Variants in UBXN2B observed in about 807,000 individuals in gnomAD.
UBXN2B encodes the protein UBX domain-containing protein 2B.
A neutral mutation model predicts 37.5 loss-of-function variants in UBXN2B; 19 were observed. The ratio of observed to expected loss-of-function variants is 0.51; its 90% CI spans 0.35 to 0.74. UBXN2B has a LOEUF of 0.74. Ranked by LOEUF, UBXN2B falls within the 30% of genes least tolerant of loss-of-function variation. The pLI, the probability that UBXN2B is intolerant of heterozygous loss-of-function variation, is 0.01. For synonymous variants in UBXN2B, 145 were observed against 143.8 expected (o/e 1.01, Z -0.06); for missense variants, 370 against 393.2 (o/e 0.94, Z 0.50).
chr8:58,433,245 T>A lies in UBXN2B; in HGVS notation c.423+2T>A. On this transcript the variant is annotated splice_donor_variant, in intron 4 of 7. Coordinates refer to ENST00000399598, the MANE Select transcript of UBXN2B (RefSeq NM_001077619.2). LOFTEE classifies it high-confidence loss of function. ...TATGGAGAAAATCAGCTGCAAGATG[T>A]AGGTACAATAATCAAAATGAAAAAG... 1 of 1,600,536 alleles carries A rather than the reference T, an allele frequency of 6.2e-7. No homozygotes were observed. Among genetic ancestry groups the A allele is most frequent in the Non-Finnish European group, 8.5e-7 (1 of 1,172,332 alleles).
intron 3 of UBXN2B, among the ~76,000 whole-genome samples, chr8:58,431,320 T>A (rs1173176800): frequency 6.6e-6 from 1 of 152,118 alleles, no homozygotes; most frequent in African/African-American, 2.4e-5. Flanking sequence ...ACAAATGGAG[T>A]CATACAATAT....
intron 5 of UBXN2B, among the ~76,000 whole-genome samples, chr8:58,438,921 G>A (rs117296999): frequency 0.021 from 3,189 of 152,210 alleles, 65 homozygotes; most frequent in East Asian, 0.11. Flanking sequence ...GGATCATGGA[G>A]GCAGATCCCT....
At chr8:58,413,088 T>TC (rs1480834376) in intron 1 of UBXN2B, among the ~76,000 whole-genome samples, 1 of 152,226 alleles carries the variant, frequency 6.6e-6, no homozygotes, top group African/African-American at 2.4e-5. Context: ...ATCCAGTGGA[T>TC]CAAAGTACGA....
chr8:58,422,566 TG>T (rs1270983753), intron 2 of UBXN2B, among the ~76,000 whole-genome samples: 2 of 152,268 alleles, frequency 1.3e-5, no homozygotes, highest in Non-Finnish European at 1.5e-5. Flanking sequence ...TCTTACCATT[TG>T]GCTAAAACAA....
intron 1 of UBXN2B, 41 bp from the exon 2 acceptor site, chr8:58,416,809 T>G (rs1585593302): frequency 6.4e-7 from 1 of 1,563,036 alleles, no homozygotes; most frequent in Non-Finnish European, 8.8e-7. Context: ...GAAGAGGTTA[T>G]TCCTAGTGTT....
rs545090502 is a variant in UBXN2B at position 58,447,685 on chromosome 8, T to A, written c.*134T>A. The A allele has an allele frequency of 1.3e-5, 11 of 858,452 alleles. No individual in the cohort carries two copies. The East Asian group carries it at 1.4e-4, about 11-fold the overall frequency. 53.2% of individuals were successfully genotyped at this position (858,452 alleles called of 1,614,324 possible). A position where few individuals can be genotyped will look rare whatever the true frequency, so the allele number is the denominator to read the frequency against. On this transcript the variant is annotated 3_prime_UTR_variant, in exon 8 of 8. Coordinates refer to ENST00000399598, the MANE Select transcript of UBXN2B (RefSeq NM_001077619.2). ...ATAAATTTTGGTTTTATTGTTATTC[T>A]GTCTTCCAATCTGAATATAGACAAA...
rs373192241 is a variant in UBXN2B, at chr8:58,430,566, C to T, written c.236C>T (p.Pro79Leu). The T allele has an allele frequency of 4.4e-6, 7 of 1,605,480 alleles. No individual in the cohort carries two copies. Among genetic ancestry groups the T allele is most frequent in the East Asian group, 2.2e-5 (1 of 44,476 alleles). ...TACAGTGGATTAAATATAGTTCGAC[C>T]TTCAACTGGGAAAATTGTGAATGAA... is the stretch of plus-strand genomic sequence containing the variant. ...HEYSGLNIVR[P>L]STGKIVNELF... The change falls in exon 3 of 8, where the codon CCT becomes CTT. Residue 79 changes from proline to leucine, a missense_variant. Coordinates refer to ENST00000399598, the MANE Select transcript of UBXN2B (RefSeq NM_001077619.2).
chr8:58,447,553 A>G lies in UBXN2B; in HGVS notation c.*2A>G, dbSNP rs1262402702. 1.9e-6 allele frequency: 3 copies of G among 1,608,166 alleles called. No individual in the cohort carries two copies. The highest frequency in any genetic ancestry group is 1.7e-5 in the Admixed American group (1 of 59,852). On this transcript the variant is annotated 3_prime_UTR_variant, in exon 8 of 8. Coordinates refer to ENST00000399598, the MANE Select transcript of UBXN2B (RefSeq NM_001077619.2). ...GTGTTACTCCAGCAACTAAAATAAT[A>G]TTGTTCCTGTCCATGCAGTAGCATG...
chr8:58,424,236 A>G lies in UBXN2B; in HGVS notation c.189-6283A>G, dbSNP rs1808012552. 2.6e-5 allele frequency among the ~76,000 whole-genome samples: 4 copies of G among 152,164 alleles called. No individual in the cohort carries two copies. In the South Asian group the frequency reaches 8.3e-4, roughly 32 times the overall value. On this transcript the variant is annotated intron_variant, in intron 2 of 7. Transcript: ENST00000399598. The stretch of plus-strand genomic sequence containing the variant: ...CTGGTTAAGGTTATAAAAAGAAAAA[A>G]AAAAAAAAGCCTGTAACTAGAATTT...
intron 6 of UBXN2B, among the ~76,000 whole-genome samples, chr8:58,444,816 G>A (rs1808633042): frequency 6.6e-6 from 1 of 152,122 alleles, no homozygotes; most frequent in Non-Finnish European, 1.5e-5. Flanking sequence ...ATTAGCATCA[G>A]GAAATAGCTA....
At chr8:58,427,061 A>C (rs571455793) in intron 2 of UBXN2B, among the ~76,000 whole-genome samples, 1 of 152,386 alleles carries the variant, frequency 6.6e-6, no homozygotes, top group Non-Finnish European at 1.5e-5. Flanking sequence ...TTCATTTAGG[A>C]AAATAGGACT....
chr8:58,447,258 ATATAT>A (rs2129604739), intron 7 of UBXN2B, 126 bp from the exon 8 acceptor site: 1 of 779,206 alleles, frequency 1.3e-6, no homozygotes, highest in African/African-American at 1.7e-5. Flanking sequence ...TTGAAATACT[ATATAT>A]TAAAGAAAGT....
intron 2 of UBXN2B, chr8:58,424,563 T>C (rs1332460355): frequency 9.9e-7 from 1 of 1,006,154 alleles, no homozygotes; most frequent in African/African-American, 1.6e-5. Flanking sequence ...CATCTATTTT[T>C]GTGCTGAAGT....
rs866893221 is a variant in UBXN2B at position 58,411,713 on chromosome 8, T to C, written c.84+244T>C. On this transcript the variant is annotated intron_variant, in intron 1 of 7. Transcript: ENST00000399598. ...TTCCACCCCACGTATGATGTAAAAA[T>C]AGCTATTCGTTTAGAATGACATTTT... Among the ~76,000 whole-genome samples, 6 of 152,314 alleles carry C rather than the reference T, an allele frequency of 3.9e-5. No individual in the cohort carries two copies. The Middle Eastern group carries it at 0.01, about 259-fold the overall frequency.
At chr8:58,417,077 C>G in intron 2 of UBXN2B, 124 bp downstream of exon 2, 2 of 722,434 alleles carry the variant, frequency 2.8e-6, no homozygotes, top group Non-Finnish European at 4.1e-6. Context: ...ATTATTATTC[C>G]AAGATCGAGG....
rs1808710797 is a variant in UBXN2B at position 58,447,594 on chromosome 8, T to G, written c.*43T>G. ...CAGTAGCATGTGGGAATAGATGATG[T>G]GCCGTATTAATAAGGACAATACTTC... On this transcript the variant is annotated 3_prime_UTR_variant, in exon 8 of 8. Coordinates refer to ENST00000399598, the MANE Select transcript of UBXN2B (RefSeq NM_001077619.2). The G allele has an allele frequency of 6.6e-7, 1 of 1,523,266 alleles. No individual in the cohort carries two copies. The highest frequency in any genetic ancestry group is 8.9e-7 in the Non-Finnish European group (1 of 1,126,100). The allele number at this position is 1,523,266 out of a possible 1,614,324, so 94.4% of individuals were successfully genotyped here.
At chr8:58,426,615 C>G (rs16923455) in intron 2 of UBXN2B, 22,112 of 748,080 alleles carry the variant, frequency 0.03, 1,618 homozygotes, top group East Asian at 0.26. Context: ...GCTGTCAGCT[C>G]CTCTTATCAA....
intron 5 of UBXN2B, chr8:58,434,931 G>A (rs1260646144): frequency 6.5e-7 from 1 of 1,535,494 alleles, no homozygotes; most frequent in East Asian, 2.4e-5. Context: ...CATTACTGCT[G>A]GCAGAAGATT....
At chr8:58,422,742 A>G (rs758544376) in intron 2 of UBXN2B, among the ~76,000 whole-genome samples, 2 of 152,166 alleles carry the variant, frequency 1.3e-5, no homozygotes, top group African/African-American at 2.4e-5. Context: ...AAACACATCC[A>G]TCCTCACAAG....
Sources: gnomAD v4.1 joint callset for allele counts (sites outside exome capture counted in the v4.1 genomes callset) on GRCh38, gnomAD v4.1.1 for gene constraint, MANE v1.5 for transcripts, NCBI Gene and HGNC (gene_info 2026-07-23, HGNC 2026-07-21) for gene names.